The following PDE1B variants were observed in gnomAD, a reference collection of about 807,000 sequenced individuals.
PDE1B encodes the protein phosphodiesterase 1B.
Under a neutral mutation model 66.7 loss-of-function variants are expected in PDE1B, and 13 were observed. The ratio of observed to expected loss-of-function variants is 0.19; its 90% CI spans 0.13 to 0.31. The LOEUF (loss-of-function observed/expected upper bound fraction) is 0.31. Ranked by LOEUF, PDE1B falls within the 10% of genes least tolerant of loss-of-function variation. The pLI is 1.00. For synonymous variants in PDE1B, 230 were observed against 253.9 expected (o/e 0.91, Z 0.90); for missense variants, 485 against 682.3 (o/e 0.71, Z 3.22).
chr12:54,556,889 G>A (rs934898147), intron 2 of PDE1B, among the ~76,000 whole-genome samples: 13 of 151,864 alleles, frequency 8.6e-5, no homozygotes, highest in Non-Finnish European at 1.5e-4. Flanking sequence ...CTGGGGGCTG[G>A]GGGCTGGGGG....
At chr12:54,563,910 GC>G (rs1459514137) in intron 2 of PDE1B, among the ~76,000 whole-genome samples, 2 of 152,088 alleles carry the variant, frequency 1.3e-5, no homozygotes, top group African/African-American at 4.8e-5. Context: ...ACTTTGGGAG[GC>G]CTCAAGCTGA....
At position 54,575,383 on chromosome 12, in the gene PDE1B, A is replaced by G; in HGVS notation, c.1185+165A>G. ...CCCATTATCCTAAAAGCCTAACAAT[A>G]GTTGCATTTCATTTGCATATATTTC... On this transcript the variant is annotated intron_variant, in intron 11 of 15. Coordinates refer to ENST00000243052, the MANE Select transcript of PDE1B (RefSeq NM_000924.4). The surrounding 1 kb of genome is among the most constrained non-coding windows in gnomAD (Gnocchi z 4.0). 1 of 776,416 alleles carries G rather than the reference A, an allele frequency of 1.3e-6. No homozygotes were observed. Among genetic ancestry groups the G allele is most frequent in the Non-Finnish European group, 2.2e-6 (1 of 447,074 alleles). The allele number at this position is 776,416 out of a possible 1,614,324, so 48.1% of individuals were successfully genotyped here.
intron 2 of PDE1B, among the ~76,000 whole-genome samples, chr12:54,555,211 G>A (rs949579519): frequency 3.9e-5 from 6 of 152,244 alleles, no homozygotes; most frequent in African/African-American, 1.2e-4. Context: ...GACATGGTGA[G>A]TGTGGGAAGC....
chr12:54,575,828 A>T lies in PDE1B; in HGVS notation c.1268-164A>T, dbSNP rs899925574. 38 of 727,924 alleles carry T rather than the reference A, an allele frequency of 5.2e-5. No homozygotes were observed. The African/African-American group carries it at 6.6e-4, about 13-fold the overall frequency. The allele number at this position is 727,924 out of a possible 1,614,324, so 45.1% of individuals were successfully genotyped here. On this transcript the variant is annotated intron_variant, in intron 12 of 15. Transcript: ENST00000243052. The surrounding 1 kb of genome is among the most constrained non-coding windows in gnomAD (Gnocchi z 4.0). ...GGAAGGAGCTCTCTGGGGCACCAAGACATCATCCCAAAGCCTGCCCTGCAT... is the reference window on the plus strand; with the variant it reads ...GGAAGGAGCTCTCTGGGGCACCAAGTCATCATCCCAAAGCCTGCCCTGCAT...
At chr12:54,552,951 C>T (rs1023288198) in intron 2 of PDE1B, among the ~76,000 whole-genome samples, 14 of 152,208 alleles carry the variant, frequency 9.2e-5, no homozygotes, top group Non-Finnish European at 8.8e-5. Flanking sequence ...TCAAGAAAAA[C>T]GATGAGCAGA....
intron 6 of PDE1B, chr12:54,571,400 C>CT (rs1469580525): frequency 6.6e-6 from 1 of 152,194 alleles, no homozygotes; most frequent in Non-Finnish European, 1.5e-5. Flanking sequence ...GTAGGGCTCT[C>CT]TTTTTCCTAA....
intron 2 of PDE1B, among the ~76,000 whole-genome samples, chr12:54,555,740 CTCT>C (rs1565691819): frequency 6.6e-6 from 1 of 152,168 alleles, no homozygotes; most frequent in East Asian, 1.9e-4. Context: ...CTCTCATTTT[CTCT>C]TCTTTGATTC....
chr12:54,573,498 C>T lies in PDE1B; in HGVS notation c.962+18C>T, dbSNP rs757727692. Reference sequence around the variant, plus strand: ...GAGTTTGTGTGAGCAGAAGCCAGTACTTGGCATCCCTAAGAGACTCCCTTA... The same window carrying T: ...GAGTTTGTGTGAGCAGAAGCCAGTATTTGGCATCCCTAAGAGACTCCCTTA... On this transcript the variant is annotated intron_variant, in intron 9 of 15. Transcript: ENST00000243052. The surrounding 1 kb of genome is among the most constrained non-coding windows in gnomAD (Gnocchi z 5.2). The T allele has an allele frequency of 1.2e-6, 2 of 1,614,146 alleles. No homozygotes were observed.
chr12:54,577,447 T>G, intron 15 of PDE1B, 102 bp downstream of exon 15: 1 of 1,605,962 alleles, frequency 6.2e-7, no homozygotes, highest in Admixed American at 1.7e-5. Context: ...CTCTCTCCCC[T>G]TTTGAGCAGT....
At chr12:54,551,149 A>G (rs974973645) in intron 2 of PDE1B, among the ~76,000 whole-genome samples, 2 of 152,190 alleles carry the variant, frequency 1.3e-5, no homozygotes, top group African/African-American at 2.4e-5. Context: ...GGGTTCTGGG[A>G]GAGGGAGAGA....
intron 15 of PDE1B, chr12:54,577,560 G>A (rs1416061050): frequency 2.6e-6 from 4 of 1,534,142 alleles, no homozygotes; most frequent in Admixed American, 1.9e-5. Context: ...AACAAAGGAG[G>A]TACCTTCTCA....
At chr12:54,567,515 A>AG (rs1957536567) in intron 3 of PDE1B, among the ~76,000 whole-genome samples, 1 of 146,256 alleles carries the variant, frequency 6.8e-6, no homozygotes, top group Non-Finnish European at 1.5e-5. Context: ...AAATAAATAA[A>AG]TAAATAAATA....
chr12:54,572,797 G>T, intron 7 of PDE1B, 56 bp downstream of exon 7: 1 of 1,561,976 alleles, frequency 6.4e-7, no homozygotes. Context: ...TACAGAACTG[G>T]GAGGTCTAGA....
Position 54,577,352 on chromosome 12 carries a change from C to T in PDE1B, c.*17+7C>T. On this transcript the variant is annotated splice_region_variant and intron_variant, in intron 15 of 15. Coordinates refer to ENST00000243052, the MANE Select transcript of PDE1B (RefSeq NM_000924.4). ...AGCCCTGGGGCTGGCCCAGGTGAGC[C>T]TGTTGTGGTGGAGGGTGTAGGAGAG... is the stretch of plus-strand genomic sequence containing the variant. 1 of 1,613,340 alleles carries T rather than the reference C, an allele frequency of 6.2e-7. No homozygotes were observed. The highest frequency in any genetic ancestry group is 1.7e-4 in the Middle Eastern group (1 of 6,056).
chr12:54,576,932 A>G (rs1182884949), intron 14 of PDE1B: 1 of 611,822 alleles, frequency 1.6e-6, no homozygotes, highest in Admixed American at 2.9e-5. Flanking sequence ...CCACAACCCA[A>G]GGGTCCCTGT....
At chr12:54,550,728 C>T (rs1957265308) in intron 2 of PDE1B, among the ~76,000 whole-genome samples, 1 of 152,126 alleles carries the variant, frequency 6.6e-6, no homozygotes, top group Admixed American at 6.5e-5. Context: ...TAGGGTCTTC[C>T]AGGATCTCCA....
rs1957243839 is a variant in PDE1B, at chr12:54,549,611, G to GGCGGCGGCGGTAGCGGCAGCA, written c.-172_-152dup. 3 of 459,636 alleles carry GGCGGCGGCGGTAGCGGCAGCA rather than the reference G, an allele frequency of 6.5e-6. No individual in the cohort carries two copies. The highest frequency in any genetic ancestry group is 2.1e-5 in the African/African-American group (1 of 48,318). 28.5% of individuals were successfully genotyped at this position (459,636 alleles called of 1,614,324 possible). A position where few individuals can be genotyped will look rare whatever the true frequency, so the allele number is the denominator to read the frequency against. On this transcript the variant is annotated 5_prime_UTR_variant, in exon 1 of 16. Transcript: ENST00000243052. ...GGAGGCGGCTCTGGCAGCGCGCGGC[G>GGCGGCGGCGGTAGCGGCAGCA]GCGGCGGCGGTAGCGGCAGCAGCAG...
At chr12:54,574,974 C>CAA (rs35584396) in intron 10 of PDE1B, 124 bp from the exon 11 acceptor site, 6,349 of 432,378 alleles carry the variant, frequency 0.015, 1 homozygote, top group East Asian at 0.019. Context: ...GACCCTGTCT[C>CAA]AAAAAAAAAA....
intron 13 of PDE1B, 140 bp from the exon 14 acceptor site, chr12:54,576,431 A>C: frequency 1.1e-6 from 1 of 911,098 alleles, no homozygotes; most frequent in East Asian, 2.5e-5. Context: ...GGACTTGGGG[A>C]ATATCTAGTA....
Sources: gnomAD v4.1 joint callset for allele counts (sites outside exome capture counted in the v4.1 genomes callset) on GRCh38, gnomAD v4.1.1 for gene constraint, Gnocchi (gnomAD v3.1) non-coding constraint, MANE v1.5 for transcripts, NCBI Gene and HGNC (gene_info 2026-07-23, HGNC 2026-07-21) for gene names.